COL23A1: variants seen among roughly 807,000 people sequenced by gnomAD.
The protein encoded by COL23A1 is collagen type XXIII alpha 1 chain, also known as collagen alpha-1(XXIII) chain.
In COL23A1, 97 loss-of-function variants were observed where a neutral mutation model predicts 99.3. The observed-to-expected ratio is 0.98, with a 90% CI of 0.83 to 1.16. The LOEUF is 1.16. Ranked by LOEUF, COL23A1 falls within the 50% of genes most tolerant of loss-of-function variation. COL23A1 has a pLI of 0.00. For synonymous variants in COL23A1, 320 were observed against 308.2 expected, an observed-to-expected ratio of 1.04 and a Z score of -0.40; for missense variants, 762 against 757.4, an observed-to-expected ratio of 1.01 and a Z score of -0.07.
chr5:178,400,283 C>T (rs1019004739), intron 2 of COL23A1, among the ~76,000 whole-genome samples: 2 of 139,046 alleles, frequency 1.4e-5, no homozygotes, highest in African/African-American at 2.7e-5. Context: ...AGGAGAATGG[C>T]GTGAACCTGG....
chr5:178,566,311 G>T (rs1581651538), intron 1 of COL23A1, among the ~76,000 whole-genome samples: 1 of 152,160 alleles, frequency 6.6e-6, no homozygotes, highest in Non-Finnish European at 1.5e-5. Context: ...ATGGACCCAT[G>T]ATTATGCATT....
chr5:178,242,344 C>T lies in COL23A1; in HGVS notation c.1491G>A (p.Glu497=), dbSNP rs1275849957. 1 of 1,613,884 alleles carries T rather than the reference C, an allele frequency of 6.2e-7. No individual in the cohort carries two copies. Among genetic ancestry groups the T allele is most frequent in the Non-Finnish European group, 8.5e-7 (1 of 1,179,950 alleles). ...GEKGDRSERG[E]KGERGVPGRK... is the part of the protein sequence containing the mutation. ...GCTCCCGTCCAGCTGCCCTCACCTT[C>T]TCTCCACGCTCGCTCCGATCACCTT... is the stretch of plus-strand genomic sequence containing the variant. The change falls in exon 26 of 29, where the codon GAG becomes GAA. Residue 497 remains glutamate, a synonymous_variant. Coordinates refer to ENST00000390654, the MANE Select transcript of COL23A1 (RefSeq NM_173465.4).
chr5:178,503,152 C>T lies in COL23A1; in HGVS notation c.361+57530G>A, dbSNP rs994606193. ...ATCCCAGCACTTTGGGAGGCCGAGG[C>T]GGGTGGATCACCTGAGGTCAGAGTT... On this transcript the variant is annotated intron_variant, in intron 2 of 28. Coordinates refer to ENST00000390654, the MANE Select transcript of COL23A1 (RefSeq NM_173465.4). Among the ~76,000 whole-genome samples, 121 of 152,276 alleles carry T rather than the reference C, an allele frequency of 7.9e-4. 1 individual carries two copies. The highest frequency in any genetic ancestry group is 2.7e-3 in the African/African-American group (113 of 41,568).
chr5:178,492,397 T>C (rs1211442009), intron 2 of COL23A1, among the ~76,000 whole-genome samples: 1 of 151,932 alleles, frequency 6.6e-6, no homozygotes, highest in Admixed American at 6.6e-5. Context: ...GAAGGCCGTG[T>C]GAGGACGCAG....
intron 2 of COL23A1, among the ~76,000 whole-genome samples, chr5:178,337,957 A>G (rs1389303692): frequency 6.6e-6 from 1 of 152,134 alleles, no homozygotes; most frequent in Non-Finnish European, 1.5e-5. Context: ...CATGCCAGGC[A>G]CTGTGTTTTG....
At chr5:178,511,719 A>C in intron 2 of COL23A1, among the ~76,000 whole-genome samples, 1 of 152,168 alleles carries the variant, frequency 6.6e-6, no homozygotes, top group East Asian at 1.9e-4. Context: ...CAAACTGCAC[A>C]GGACCCCCAA....
rs1756048584 is a variant in COL23A1, at chr5:178,268,713, C to T, written c.495+17G>A. The T allele has an allele frequency of 1.2e-6, 2 of 1,603,040 alleles. No homozygotes were observed. Among genetic ancestry groups the T allele is most frequent in the African/African-American group, 1.3e-5 (1 of 74,828 alleles). On this transcript the variant is annotated intron_variant, in intron 7 of 28. Coordinates refer to ENST00000390654, the MANE Select transcript of COL23A1 (RefSeq NM_173465.4). ...TCGCCTGCCTACCACATCTGCACAG[C>T]CTCTGGCATCACTTACCTTTTCCCC...
chr5:178,562,247 AAG>A, intron 1 of COL23A1: 9 of 340,662 alleles, frequency 2.6e-5, no homozygotes, highest in Admixed American at 4.0e-5. Context: ...ATCTCAAAAA[AAG>A]AAAAAAAAAA....
chr5:178,358,086 G>A (rs892677192), intron 2 of COL23A1, among the ~76,000 whole-genome samples: 3 of 147,068 alleles, frequency 2.0e-5, no homozygotes, highest in African/African-American at 5.0e-5. Flanking sequence ...GTGTATGTAC[G>A]TGTGTAGGTC....
At chr5:178,427,328 G>GA (rs771694381) in intron 2 of COL23A1, among the ~76,000 whole-genome samples, 1 of 152,238 alleles carries the variant, frequency 6.6e-6, no homozygotes, top group Non-Finnish European at 1.5e-5. Flanking sequence ...TGGGAATGCA[G>GA]AAGGGTACAG....
At chr5:178,292,038 G>A (rs528712300) in intron 3 of COL23A1, among the ~76,000 whole-genome samples, 26 of 152,188 alleles carry the variant, frequency 1.7e-4, no homozygotes, top group South Asian at 8.3e-4. Context: ...GTTCGCCATC[G>A]CCTTTCCAAC....
At chr5:178,242,247 C>T (rs1764444042) in intron 26 of COL23A1, 94 bp downstream of exon 26, 9 of 1,499,582 alleles carry the variant, frequency 6.0e-6, no homozygotes, top group African/African-American at 1.4e-5. Flanking sequence ...CCTGCCCGGC[C>T]TGGGTTCTCT....
At chr5:178,248,404 TGTGCCACGCCCCGG>T (rs1350424496) in intron 19 of COL23A1, 150 bp from the exon 20 acceptor site, 2 of 587,072 alleles carry the variant, frequency 3.4e-6, no homozygotes, top group African/African-American at 3.8e-5. Context: ...CCTACATCCA[TGTGCCACGCCCCGG>T]GTGGTGGGCA....
Position 178,246,292 on chromosome 5 carries a change from G to C in COL23A1, c.1375C>G (p.Pro459Ala), listed in dbSNP as rs373093239. Residue 459 changes from proline (P) to alanine (A), a missense_variant, in exon 24 of 29, where the codon CCG becomes GCG. Transcript: ENST00000390654. ...PSGLPGPVGPPGLIGLPGTKG... is the reference protein window; with the variant it reads ...PSGLPGPVGPAGLIGLPGTKG... ...GTTCCTGGCAGCCCAATAAGGCCCG[G>C]TGGGCCAACTGGCCCCTGGATAGAA... The C allele has an allele frequency of 9.6e-6, 15 of 1,555,812 alleles. No individual in the cohort carries two copies. The South Asian group carries it at 1.5e-4, about 16-fold the overall frequency.
Position 178,247,834 on chromosome 5 carries a change from A to AGG in COL23A1, c.1213-5_1213-4dup. 2 of 1,611,230 alleles carry AGG rather than the reference A, an allele frequency of 1.2e-6. No individual in the cohort carries two copies. Among genetic ancestry groups the AGG allele is most frequent in the Non-Finnish European group, 1.7e-6 (2 of 1,178,688 alleles). On this transcript the variant is annotated splice_region_variant and splice_polypyrimidine_tract_variant and intron_variant, in intron 20 of 28. Transcript: ENST00000390654. ...CCTGGCTCCACTATGAGCTGAGCCT[A>AGG]GGGAGGGTGAGAGACAGGTTAGTCA... is the stretch of plus-strand genomic sequence containing the variant.
At chr5:178,355,798 T>TC (rs1761616145) in intron 2 of COL23A1, among the ~76,000 whole-genome samples, 1 of 152,200 alleles carries the variant, frequency 6.6e-6, no homozygotes, top group Non-Finnish European at 1.5e-5. Flanking sequence ...GAATTTTTTT[T>TC]GATCTGTGTT....
At chr5:178,547,581 C>T (rs1233483993) in intron 2 of COL23A1, among the ~76,000 whole-genome samples, 4 of 64,142 alleles carry the variant, frequency 6.2e-5, no homozygotes, top group African/African-American at 2.0e-4. Context: ...ACACCTACAC[C>T]CACACCCCCA....
At chr5:178,458,367 C>T (rs1231815624) in intron 2 of COL23A1, among the ~76,000 whole-genome samples, 3 of 152,124 alleles carry the variant, frequency 2.0e-5, no homozygotes, top group African/African-American at 7.2e-5. Flanking sequence ...CAGAGCCGGG[C>T]ACGGTGGCTC....
rs976703838 is a variant in COL23A1, at chr5:178,468,146, G to A, written c.361+92536C>T. Among the ~76,000 whole-genome samples, 3 of 152,152 alleles carry A rather than the reference G, an allele frequency of 2.0e-5. No homozygotes were observed. The highest frequency in any genetic ancestry group is 2.9e-5 in the Non-Finnish European group (2 of 68,028). On this transcript the variant is annotated intron_variant, in intron 2 of 28. Coordinates refer to ENST00000390654, the MANE Select transcript of COL23A1 (RefSeq NM_173465.4). This position sits in a 1 kb window ranked among gnomAD's most constrained non-coding sequence, Gnocchi z 4.2. ...GAAATCTGAGTGCCAGAAAGAGAGC[G>A]CCGGCTTTGGGGTGTGCTTGTGTGT...
Sources: gnomAD v4.1 joint callset for allele counts (sites outside exome capture counted in the v4.1 genomes callset) on GRCh38, gnomAD v4.1.1 for gene constraint, Gnocchi (gnomAD v3.1) non-coding constraint, MANE v1.5 for transcripts, NCBI Gene and HGNC (gene_info 2026-07-23, HGNC 2026-07-21) for gene names.